The following NSUN2 variants were observed in gnomAD, a reference collection of about 807,000 sequenced individuals.
NSUN2 encodes the protein RNA cytosine C(5)-methyltransferase NSUN2.
Under a neutral mutation model 92.7 loss-of-function variants are expected in NSUN2, and 63 were observed. The observed-to-expected ratio is 0.68, with a 90% CI of 0.56 to 0.84. The LOEUF is 0.84. NSUN2 is among the 40% of genes least tolerant of loss of function. NSUN2 has a pLI of 0.00. For missense variants in NSUN2, 989 were observed against 964.9 expected, an observed-to-expected ratio of 1.02 and a Z score of -0.33; for synonymous variants, 356 against 348.3, an observed-to-expected ratio of 1.02 and a Z score of -0.25.
intron 18 of NSUN2, among the ~76,000 whole-genome samples, chr5:6,601,515 C>G (rs144119884): frequency 0.011 from 1,610 of 152,170 alleles, 22 homozygotes; most frequent in Non-Finnish European, 0.017. Context: ...CCTCAGCCCC[C>G]ACCTGTCCTC....
intron 3 of NSUN2, among the ~76,000 whole-genome samples, chr5:6,628,230 C>T (rs2126507910): frequency 6.6e-6 from 1 of 152,216 alleles, no homozygotes; most frequent in East Asian, 1.9e-4. Flanking sequence ...GGCATGTAAT[C>T]CCAGCTACCT....
chr5:6,612,312 T>C (rs1039853335), intron 9 of NSUN2, among the ~76,000 whole-genome samples: 1 of 151,858 alleles, frequency 6.6e-6, no homozygotes, highest in Non-Finnish European at 1.5e-5. Context: ...CACGCAGGCA[T>C]GTCTAACAAA....
intron 9 of NSUN2, among the ~76,000 whole-genome samples, chr5:6,614,569 C>T (rs1046606407): frequency 1.3e-5 from 2 of 152,150 alleles, no homozygotes; most frequent in African/African-American, 4.8e-5. Flanking sequence ...AAGAGAGACC[C>T]ATGGGAATGA....
At chr5:6,623,334 C>G (rs78257966) in intron 4 of NSUN2, 49 bp from the exon 5 acceptor site, 4 of 1,197,226 alleles carry the variant, frequency 3.3e-6, no homozygotes, top group Non-Finnish European at 4.7e-6. Flanking sequence ...AAAAAAAAAC[C>G]GCAGACAATT....
intron 4 of NSUN2, among the ~76,000 whole-genome samples, chr5:6,624,508 C>T (rs928687408): frequency 3.9e-5 from 6 of 152,204 alleles, no homozygotes; most frequent in Non-Finnish European, 7.3e-5. Context: ...ATGTGTATCA[C>T]ACCCCACAAA....
intron 6 of NSUN2, 27 bp from the exon 7 acceptor site, chr5:6,620,325 G>A (rs377399950): frequency 6.7e-7 from 1 of 1,503,184 alleles, no homozygotes; most frequent in Non-Finnish European, 8.9e-7. Flanking sequence ...GCAGTGTCAG[G>A]TGAAATGGAG....
chr5:6,611,466 G>T (rs867562891), intron 10 of NSUN2, among the ~76,000 whole-genome samples: 1 of 41,382 alleles, frequency 2.4e-5, no homozygotes, highest in Non-Finnish European at 5.6e-5. Flanking sequence ...AAAAAAAAAA[G>T]CAAAGCTACC....
Position 6,600,072 on chromosome 5 carries a change from C to G in NSUN2, c.2158G>C (p.Glu720Gln). 3 of 1,614,244 alleles carry G rather than the reference C, an allele frequency of 1.9e-6. No homozygotes were observed. The highest frequency in any genetic ancestry group is 1.6e-4 in the Middle Eastern group (1 of 6,062). ...GGCTGTCCGGTGCTGGCTGCACTCT[C>G]ATTTGTGAGGATAACCCCTTCCTTC... Reference protein sequence around the residue: ...KKKEGVILTNESAASTGQPDN... With the variant: ...KKKEGVILTNQSAASTGQPDN... Residue 720 changes from glutamate to glutamine, a missense_variant, in exon 19 of 19, where the codon GAG becomes CAG. This residue lies in a region of NSUN2 where 626 missense variants were observed against 602.3 expected (regional missense o/e 1.04). Coordinates refer to ENST00000264670, the MANE Select transcript of NSUN2 (RefSeq NM_017755.6).
In NSUN2 at chr5:6,621,932, A is replaced by T. The variant is rs555057782; in HGVS notation, c.622+84T>A. On this transcript the variant is annotated intron_variant, in intron 6 of 18. Transcript: ENST00000264670. ...TCATAGGAGACTTTAGAGCCAAATTAGCAGGCAAAGTTAGAGTCTTTTCCT... is the reference window on the plus strand; with the variant it reads ...TCATAGGAGACTTTAGAGCCAAATTTGCAGGCAAAGTTAGAGTCTTTTCCT... The T allele has an allele frequency of 6.6e-4, 784 of 1,187,554 alleles. 2 individuals carry two copies. The highest frequency in any genetic ancestry group is 9.4e-4 in the Non-Finnish European group (752 of 800,890). 73.6% of individuals were successfully genotyped at this position (1,187,554 alleles called of 1,614,324 possible). A position where few individuals can be genotyped will look rare whatever the true frequency, so the allele number is the denominator to read the frequency against.
rs1736964682 is a variant in NSUN2 at position 6,611,032 on chromosome 5, G to A, written c.1149C>T (p.Ser383=). The A allele has an allele frequency of 1.2e-6, 2 of 1,614,180 alleles. No homozygotes were observed. The highest frequency in any genetic ancestry group is 8.5e-7 in the Non-Finnish European group (1 of 1,180,040). Residue 383 remains serine, a synonymous_variant, in exon 11 of 19, where the codon AGC becomes AGT. Transcript: ENST00000264670. ...TGGTAGGTCGGATCTGGGTGTGTCT[G>A]CTGTGAGGAACAGCGTCCCAGTCTG... ...WFTDWDAVPH[S]RHTQIRPTMF... is the part of the protein sequence containing the mutation.
Position 6,632,776 on chromosome 5 carries a change from T to C in NSUN2, c.97-20A>G, listed in dbSNP as rs1243467934. On this transcript the variant is annotated intron_variant, in intron 1 of 18. Coordinates refer to ENST00000264670, the MANE Select transcript of NSUN2 (RefSeq NM_017755.6). ...CCAGCCCTGAGGAAGGAAAGAGACG[T>C]CTACCCCGAGGCCCAAGGAGCCGCC... 2 of 1,609,764 alleles carry C rather than the reference T, an allele frequency of 1.2e-6. No homozygotes were observed. Among genetic ancestry groups the C allele is most frequent in the Admixed American group, 3.4e-5 (2 of 59,350 alleles).
Position 6,616,732 on chromosome 5 carries a change from C to T in NSUN2, c.1016G>A (p.Ser339Asn), listed in dbSNP as rs1737227956. Residue 339 changes from serine to asparagine, a missense_variant, in exon 9 of 19, where the codon AGT (serine) becomes AAT (asparagine). Ser to Asn is a conservative substitution (Grantham distance 46). This residue lies in a region of NSUN2 where 626 missense variants were observed against 602.3 expected (regional missense o/e 1.04). Coordinates refer to ENST00000264670, the MANE Select transcript of NSUN2 (RefSeq NM_017755.6). Reference sequence around the variant, plus strand: ...GATCCATCAAGCGTGCTTACCTTCACTTTTTTCCAGTAAAGATGCTATGAC... The same window carrying T: ...GATCCATCAAGCGTGCTTACCTTCATTTTTTTCCAGTAAAGATGCTATGAC... ...EAVIASLLEKSEGALELADVS... is the reference protein window; with the variant it reads ...EAVIASLLEKNEGALELADVS... 2.1e-6 allele frequency: 3 copies of T among 1,423,190 alleles called. No homozygotes were observed. Among genetic ancestry groups the T allele is most frequent in the Non-Finnish European group, 2.8e-6 (3 of 1,080,504 alleles). The allele number at this position is 1,423,190 out of a possible 1,614,324, so 88.2% of individuals were successfully genotyped here. A position where few individuals can be genotyped will look rare whatever the true frequency, so the allele number is the denominator to read the frequency against.
At chr5:6,613,637 A>G (rs1737089565) in intron 9 of NSUN2, among the ~76,000 whole-genome samples, 1 of 152,246 alleles carries the variant, frequency 6.6e-6, no homozygotes, top group African/African-American at 2.4e-5. Flanking sequence ...ACCTGTGACA[A>G]TGAGGAGATA....
chr5:6,604,780 GGGAAA>G, intron 15 of NSUN2, 95 bp from the exon 16 acceptor site: 4 of 1,033,332 alleles, frequency 3.9e-6, no homozygotes, highest in East Asian at 4.9e-5. Context: ...GTCACGGAAT[GGGAAA>G]GGAGAGGAGA....
At position 6,632,705 on chromosome 5, in the gene NSUN2, G is replaced by A. The variant is rs762592406; in HGVS notation, c.148C>T (p.His50Tyr). 1 of 1,614,120 alleles carries A rather than the reference G, an allele frequency of 6.2e-7. No individual in the cohort carries two copies. Among genetic ancestry groups the A allele is most frequent in the Non-Finnish European group, 8.5e-7 (1 of 1,179,996 alleles). The stretch of plus-strand genomic sequence containing the variant: ...ACGATCTTGAGCTCCTGGTAGTAGT[G>A]CTCGAACAGCTTGTTCTCCTTGACG... ...EIVKENKLFE[H>Y]YYQELKIVPE... is the part of the protein sequence containing the mutation. Residue 50 changes from histidine to tyrosine, a missense_variant, in exon 2 of 19, where the codon CAC becomes TAC. Coordinates refer to ENST00000264670, the MANE Select transcript of NSUN2 (RefSeq NM_017755.6).
In NSUN2 at chr5:6,631,918, A is replaced by G; in HGVS notation, c.314T>C (p.Leu105Pro). 1 of 1,614,148 alleles carries G rather than the reference A, an allele frequency of 6.2e-7. No individual in the cohort carries two copies. Among genetic ancestry groups the G allele is most frequent in the East Asian group, 2.2e-5 (1 of 44,888 alleles). ...TTCAACTTTCTGACCGTCCACCTCC[A>G]GGTCCTCCAATTCCTTAAAATATTT... ...KNKYFKELEDLEVDGQKVEVP... is the reference protein window; with the variant it reads ...KNKYFKELEDPEVDGQKVEVP... The change falls in exon 3 of 19, where the codon CTG (leucine) becomes CCG (proline). Residue 105 changes from leucine to proline, a missense_variant. Coordinates refer to ENST00000264670, the MANE Select transcript of NSUN2 (RefSeq NM_017755.6).
intron 11 of NSUN2, 141 bp from the exon 12 acceptor site, chr5:6,610,063 AAATTTT>A (rs1243347056): frequency 1.9e-6 from 1 of 533,142 alleles, no homozygotes; most frequent in Non-Finnish European, 3.1e-6. Flanking sequence ...ATGTAAACTT[AAATTTT>A]TTTTTTTTTT....
At chr5:6,616,562 T>C (rs1737218771) in intron 9 of NSUN2, among the ~76,000 whole-genome samples, 165 bp downstream of exon 9, 2 of 115,452 alleles carry the variant, frequency 1.7e-5, no homozygotes, top group South Asian at 5.8e-4. Flanking sequence ...TGAAGATTTC[T>C]GGAGATGGAT....
intron 9 of NSUN2, 95 bp downstream of exon 9, chr5:6,616,632 G>A (rs1224455712): frequency 2.1e-5 from 4 of 187,514 alleles, no homozygotes; most frequent in Non-Finnish European, 3.0e-5. Flanking sequence ...GCTCAAAAAT[G>A]ATTAAGATGG....
Sources: gnomAD v4.1 joint callset for allele counts (sites outside exome capture counted in the v4.1 genomes callset) on GRCh38, gnomAD v4.1.1 for gene constraint, gnomAD v4.1.1 regional missense constraint, MANE v1.5 for transcripts, NCBI Gene and HGNC (gene_info 2026-07-23, HGNC 2026-07-21) for gene names.